The following CDON variants were observed in gnomAD, a reference collection of about 807,000 sequenced individuals.
CDON encodes the protein cell adhesion molecule-related/down-regulated by oncogenes.
Under a neutral mutation model 120.9 loss-of-function variants are expected in CDON, and 73 were observed. The observed-to-expected ratio is 0.60, with a 90% CI of 0.50 to 0.73. The LOEUF is 0.73. CDON is among the 30% of genes least tolerant of loss of function. The probability of loss-of-function intolerance (pLI) is 0.00; values close to 1 mark genes in which losing one functional copy is unlikely to be tolerated. For missense variants in CDON, 1,470 were observed against 1,587.3 expected, an observed-to-expected ratio of 0.93 and a Z score of 1.26; for synonymous variants, 566 against 573.5, an observed-to-expected ratio of 0.99 and a Z score of 0.19.
rs1351485461 is a variant in CDON, at chr11:125,958,727, T to C, written c.*2215A>G. 1 of 152,478 alleles carries C rather than the reference T, an allele frequency of 6.6e-6. No individual in the cohort carries two copies. Among genetic ancestry groups the C allele is most frequent in the Non-Finnish European group, 1.5e-5 (1 of 68,018 alleles). 9.4% of individuals were successfully genotyped at this position (152,478 alleles called of 1,614,324 possible). A position where few individuals can be genotyped will look rare whatever the true frequency, so the allele number is the denominator to read the frequency against. The stretch of plus-strand genomic sequence containing the variant: ...GTCCACAATGAGATTGTCCTAAAGG[T>C]AAAGCCATTTTCTCTTCCTCGTGGA... On this transcript the variant is annotated 3_prime_UTR_variant, in exon 20 of 20. Coordinates refer to ENST00000531738, the MANE Select transcript of CDON (RefSeq NM_001378964.1).
At chr11:125,995,982 CT>C (rs1946769636) in intron 12 of CDON, among the ~76,000 whole-genome samples, 1 of 152,142 alleles carries the variant, frequency 6.6e-6, no homozygotes, top group African/African-American at 2.4e-5. Context: ...CCTCAAGATT[CT>C]TGTGGGGAGG....
At chr11:125,981,359 C>G in intron 16 of CDON, 30 bp from the exon 17 acceptor site, 1 of 1,362,256 alleles carries the variant, frequency 7.3e-7, no homozygotes, top group Non-Finnish European at 1.0e-6. Flanking sequence ...AAGACACACA[C>G]GCACACACAC....
chr11:125,967,426 T>A (rs1161739536), intron 18 of CDON, among the ~76,000 whole-genome samples: 1 of 152,134 alleles, frequency 6.6e-6, no homozygotes, highest in Non-Finnish European at 1.5e-5. Context: ...CTGTGATCTG[T>A]AAGGTCCTTC....
intron 16 of CDON, among the ~76,000 whole-genome samples, chr11:125,982,477 C>T (rs556458379): frequency 3.8e-4 from 58 of 152,252 alleles, no homozygotes; most frequent in African/African-American, 1.3e-3. Flanking sequence ...CCCTCCTTTC[C>T]TTAGCTGCCC....
At chr11:125,979,413 C>A (rs1946233394) in intron 17 of CDON, among the ~76,000 whole-genome samples, 1 of 152,140 alleles carries the variant, frequency 6.6e-6, no homozygotes, top group Admixed American at 6.5e-5. Context: ...CTGAAAGGCT[C>A]AGAAAATGAA....
intron 7 of CDON, among the ~76,000 whole-genome samples, chr11:126,014,100 AACTT>A: frequency 6.6e-6 from 1 of 152,268 alleles, no homozygotes; most frequent in Non-Finnish European, 1.5e-5. Context: ...ACTTCTAAAT[AACTT>A]ACACTAATGT....
chr11:126,059,752 G>T (rs896148111), intron 1 of CDON, among the ~76,000 whole-genome samples: 11 of 152,036 alleles, frequency 7.2e-5, no homozygotes, highest in Non-Finnish European at 1.3e-4. Flanking sequence ...AAGGCACCAG[G>T]CAGCTAGAAT....
intron 14 of CDON, among the ~76,000 whole-genome samples, chr11:125,992,100 G>A (rs928391273): frequency 2.6e-5 from 4 of 151,946 alleles, no homozygotes; most frequent in African/African-American, 9.7e-5. Flanking sequence ...TTATTTACAT[G>A]TCTTGTTTAG....
intron 1 of CDON, among the ~76,000 whole-genome samples, chr11:126,035,353 C>T (rs1313335261): frequency 2.0e-5 from 3 of 152,184 alleles, no homozygotes; most frequent in Non-Finnish European, 4.4e-5. Flanking sequence ...ATTATCTTAC[C>T]GTCAAGTTAC....
intron 1 of CDON, among the ~76,000 whole-genome samples, chr11:126,028,804 T>C (rs1400069992): frequency 6.6e-6 from 1 of 151,606 alleles, no homozygotes; most frequent in Non-Finnish European, 1.5e-5. Flanking sequence ...GCTACATTTT[T>C]ATATATGTGT....
At chr11:125,989,579 G>C in intron 15 of CDON, 58 bp downstream of exon 15, 2 of 1,517,456 alleles carry the variant, frequency 1.3e-6, no homozygotes, top group East Asian at 4.6e-5. Context: ...GTAGTCAGAA[G>C]CAGTAATCCA....
At chr11:125,997,941 T>G (rs928225078) in intron 11 of CDON, among the ~76,000 whole-genome samples, 1 of 152,218 alleles carries the variant, frequency 6.6e-6, no homozygotes, top group South Asian at 2.1e-4. Flanking sequence ...AGATAAAATC[T>G]GACTGATAAA....
intron 1 of CDON, among the ~76,000 whole-genome samples, chr11:126,059,496 TCCC>T (rs1370447865): frequency 1.4e-5 from 1 of 71,154 alleles, no homozygotes; most frequent in Non-Finnish European, 2.7e-5. Context: ...CCTGCCCGCA[TCCC>T]CCCAATCCCC....
chr11:125,986,218 G>T (rs1272237816), intron 15 of CDON, among the ~76,000 whole-genome samples: 1 of 152,098 alleles, frequency 6.6e-6, no homozygotes, highest in African/African-American at 2.4e-5. Context: ...AACACTGCAT[G>T]TTCTCACTCA....
intron 1 of CDON, among the ~76,000 whole-genome samples, chr11:126,038,932 T>C (rs1948178271): frequency 6.6e-6 from 1 of 152,150 alleles, no homozygotes; most frequent in African/African-American, 2.4e-5. Context: ...ATAAAACATA[T>C]TACTAATTAA....
Position 125,981,706 on chromosome 11 carries a change from C to T in CDON, c.2996-377G>A, listed in dbSNP as rs148480686. On this transcript the variant is annotated intron_variant, in intron 16 of 19. Coordinates refer to ENST00000531738, the MANE Select transcript of CDON (RefSeq NM_001378964.1). ...CTCAAAAGAGAATGAATATATTGGG[C>T]AAGCTGAAACTATCAGAGTACTGGC... is the stretch of plus-strand genomic sequence containing the variant. Among the ~76,000 whole-genome samples the T allele has an allele frequency of 1.4e-4, 21 of 152,024 alleles. No homozygotes were observed. The East Asian group carries it at 2.5e-3, about 18-fold the overall frequency.
In CDON at chr11:125,978,325, C is replaced by T. The variant is rs1177628525; in HGVS notation, c.3335G>A (p.Arg1112Gln). 7.5e-6 allele frequency: 12 copies of T among 1,605,878 alleles called. No homozygotes were observed. Among genetic ancestry groups the T allele is most frequent in the East Asian group, 2.2e-5 (1 of 44,864 alleles). Residue 1112 changes from arginine (R) to glutamine (Q), a missense_variant, in exon 18 of 20, where the codon CGA (arginine) becomes CAA (glutamine). Arg to Gln is a conservative substitution (Grantham distance 43, BLOSUM62 1). Transcript: ENST00000531738. ...ATACCTATTGTTGTTTCGACAATTT[C>T]GGCAGTTAACACACTCCAGAGGGTC... is the stretch of plus-strand genomic sequence containing the variant. The part of the protein sequence containing the change: ...QIDPLECVNC[R>Q]NCRNNNRCFT...
At chr11:126,056,477 T>A (rs1013254953) in intron 1 of CDON, among the ~76,000 whole-genome samples, 2 of 152,220 alleles carry the variant, frequency 1.3e-5, no homozygotes, top group African/African-American at 4.8e-5. Context: ...AATAAAATTA[T>A]AAATGTTGAA....
chr11:125,977,647 G>A (rs780161259), intron 18 of CDON, among the ~76,000 whole-genome samples: 8 of 151,852 alleles, frequency 5.3e-5, no homozygotes, highest in South Asian at 2.1e-4. Context: ...AAAAAGCTTG[G>A]TAATCCTTGG....
Sources: gnomAD v4.1 joint callset for allele counts (sites outside exome capture counted in the v4.1 genomes callset) on GRCh38, gnomAD v4.1.1 for gene constraint, MANE v1.5 for transcripts, NCBI Gene and HGNC (gene_info 2026-07-23, HGNC 2026-07-21) for gene names.